The following HELZ variants were observed in gnomAD, a reference collection of about 807,000 sequenced individuals.
HELZ encodes helicase with zinc finger, also known as ATP-dependent RNA helicase with zinc finger domain.
A neutral mutation model predicts 218.2 loss-of-function variants in HELZ; 23 were observed. The observed-to-expected ratio is 0.11, with a 90% CI of 0.08 to 0.15. HELZ has a LOEUF of 0.15. Ranked by LOEUF, HELZ falls within the 10% of genes least tolerant of loss-of-function variation. The probability of loss-of-function intolerance (pLI) is 1.00; values close to 1 mark genes in which losing one functional copy is unlikely to be tolerated. For synonymous variants in HELZ, 814 were observed against 829.4 expected (o/e 0.98, Z 0.32); for missense variants, 1,813 against 2,353.7 (o/e 0.77, Z 4.75).
chr17:67,236,608 T>C (rs1367304850), intron 3 of HELZ, among the ~76,000 whole-genome samples: 2 of 152,190 alleles, frequency 1.3e-5, no homozygotes, highest in African/African-American at 2.4e-5. Flanking sequence ...TTATAAAATC[T>C]ATAAGATGTA....
intron 7 of HELZ, chr17:67,200,837 C>G (rs1202647991): frequency 9.3e-6 from 3 of 322,218 alleles, no homozygotes; most frequent in Admixed American, 8.9e-5. Context: ...ACTAAAATTT[C>G]CCAATCATCT....
At chr17:67,235,830 G>C (rs11871494) in intron 3 of HELZ, among the ~76,000 whole-genome samples, 2 of 132,734 alleles carry the variant, frequency 1.5e-5, no homozygotes, top group Non-Finnish European at 3.0e-5. Context: ...TCTCTATCTC[G>C]GCTCACTGCA....
chr17:67,143,340 G>A (rs989713972), intron 21 of HELZ, among the ~76,000 whole-genome samples: 2 of 152,090 alleles, frequency 1.3e-5, no homozygotes, highest in Admixed American at 1.3e-4. Flanking sequence ...CGGTGTGGCT[G>A]CTCACACCTC....
chr17:67,225,167 T>C, intron 3 of HELZ: 1 of 371,258 alleles, frequency 2.7e-6, no homozygotes, highest in East Asian at 6.1e-5. Flanking sequence ...CAAGAAGCTT[T>C]TACTGAAGGT....
At chr17:67,114,101 T>G (rs1176310103) in intron 28 of HELZ, among the ~76,000 whole-genome samples, 1 of 152,196 alleles carries the variant, frequency 6.6e-6, no homozygotes, top group Non-Finnish European at 1.5e-5. Flanking sequence ...TTCAATTTTA[T>G]CACTGAATAA....
Position 67,163,429 on chromosome 17 carries a change from C to T in HELZ, c.1896-2353G>A, listed in dbSNP as rs374418429. On this transcript the variant is annotated intron_variant, in intron 15 of 32. Coordinates refer to ENST00000358691, the MANE Select transcript of HELZ (RefSeq NM_014877.4). ...CTTTTTCTTTTTTGAGACAGAGTCT[C>T]GCTCTGTCGCCCAGGCTGGAGTGCA... Among the ~76,000 whole-genome samples the T allele has an allele frequency of 5.1e-4, 78 of 151,816 alleles. 1 individual carries two copies. The East Asian group carries it at 5.6e-3, about 11-fold the overall frequency.
At chr17:67,215,860 T>G (rs774766069) in intron 5 of HELZ, 39 bp downstream of exon 5, 1 of 1,332,694 alleles carries the variant, frequency 7.5e-7, no homozygotes, top group South Asian at 1.2e-5. Context: ...CCTTAAACAT[T>G]GTTCAATTCA....
At chr17:67,157,972 A>G (rs2038891841) in intron 17 of HELZ, among the ~76,000 whole-genome samples, 1 of 152,172 alleles carries the variant, frequency 6.6e-6, no homozygotes, top group Non-Finnish European at 1.5e-5. Context: ...CCTCTATTCC[A>G]TTTTAAAATC....
At chr17:67,144,306 T>C (rs1395221952) in intron 21 of HELZ, among the ~76,000 whole-genome samples, 1 of 152,038 alleles carries the variant, frequency 6.6e-6, no homozygotes, top group African/African-American at 2.4e-5. Flanking sequence ...CCTGGAGCAA[T>C]GTGTCTCAAA....
intron 23 of HELZ, among the ~76,000 whole-genome samples, chr17:67,129,617 A>G (rs1468459408): frequency 1.3e-5 from 2 of 152,220 alleles, no homozygotes; most frequent in African/African-American, 4.8e-5. Context: ...CCATTAACTA[A>G]GTTATAAGTG....
chr17:67,188,087 A>T lies in HELZ; in HGVS notation c.1162+232T>A. On this transcript the variant is annotated intron_variant, in intron 12 of 32. Coordinates refer to ENST00000358691, the MANE Select transcript of HELZ (RefSeq NM_014877.4). The surrounding 1 kb of genome is among the most constrained non-coding windows in gnomAD (Gnocchi z 4.1). ...AAAACAGGTCTGATCATCTACTCAT[A>T]CAAGTTTGGGGAACCTCAAAGTTCA... The T allele has an allele frequency of 2.2e-6, 1 of 458,424 alleles. No individual in the cohort carries two copies. The highest frequency in any genetic ancestry group is 3.9e-6 in the Non-Finnish European group (1 of 256,840). 28.4% of individuals were successfully genotyped at this position (458,424 alleles called of 1,614,324 possible).
upstream of HELZ, chr17:67,245,519 AG>A (rs1200668563): frequency 4.9e-5 from 48 of 985,002 alleles, no homozygotes; most frequent in Admixed American, 6.1e-4. Flanking sequence ...AATCAACCCG[AG>A]GTTTCCTTGC....
intron 27 of HELZ, among the ~76,000 whole-genome samples, chr17:67,116,782 T>C (rs762377105): frequency 6.6e-6 from 1 of 152,186 alleles, no homozygotes; most frequent in Admixed American, 6.5e-5. Flanking sequence ...TCCTCAGTAA[T>C]TGATAGAAAG....
chr17:67,170,790 G>A (rs184607640), intron 13 of HELZ, among the ~76,000 whole-genome samples: 46 of 147,986 alleles, frequency 3.1e-4, no homozygotes, highest in Admixed American at 2.1e-3. Flanking sequence ...TAGCGACACC[G>A]CACTCCAGCC....
At chr17:67,206,997 C>G (rs1293808401) in intron 5 of HELZ, among the ~76,000 whole-genome samples, 1 of 151,218 alleles carries the variant, frequency 6.6e-6, no homozygotes, top group Admixed American at 6.6e-5. Flanking sequence ...ACTGCAACCT[C>G]TGCCTCCCAG....
At position 67,072,962 on chromosome 17, in the gene HELZ, G is replaced by A. The variant is rs2035930931; in HGVS notation, c.*5290C>T. 6.6e-6 allele frequency: 1 copy of A among 152,178 alleles called. No homozygotes were observed. 9.4% of individuals were successfully genotyped at this position (152,178 alleles called of 1,614,324 possible). A position where few individuals can be genotyped will look rare whatever the true frequency, so the allele number is the denominator to read the frequency against. ...CAGGCTCCAGACCAAAATCAGAAAT[G>A]CTGGGGGTGGGTCCAGCTATCTGAA... is the stretch of plus-strand genomic sequence containing the variant. On this transcript the variant is annotated 3_prime_UTR_variant, in exon 33 of 33. Coordinates refer to ENST00000358691, the MANE Select transcript of HELZ (RefSeq NM_014877.4).
intron 23 of HELZ, among the ~76,000 whole-genome samples, chr17:67,131,658 G>A (rs1411822085): frequency 5.3e-5 from 8 of 151,808 alleles, no homozygotes; most frequent in South Asian, 2.1e-4. Context: ...GTGTGACTTC[G>A]TGCAGATTAC....
At chr17:67,160,404 C>T (rs1198715700) in intron 16 of HELZ, 42 bp from the exon 17 acceptor site, 1 of 1,334,122 alleles carries the variant, frequency 7.5e-7, no homozygotes, top group African/African-American at 1.4e-5. Context: ...TGATAAAACA[C>T]AAAACTATTC....
chr17:67,107,533 T>C lies in HELZ; in HGVS notation c.4877A>G (p.Asp1626Gly). ...AAAGTTAGAAAAGTGGCTACTGTGG[T>C]CTGTACTGGATGGGGGAGATGGGAC... is the stretch of plus-strand genomic sequence containing the variant. ...PAVPSPPSST[D>G]HSSHFSNFND... The change falls in exon 31 of 33, where the codon GAC becomes GGC. Residue 1626 changes from aspartate to glycine, a missense_variant. Around this residue, in one of 4 missense-constraint regions of HELZ, gnomAD observed 938 missense variants for 1,027.5 expected, o/e 0.91. Coordinates refer to ENST00000358691, the MANE Select transcript of HELZ (RefSeq NM_014877.4). 6.2e-7 allele frequency: 1 copy of C among 1,614,158 alleles called. No individual in the cohort carries two copies. Among genetic ancestry groups the C allele is most frequent in the Non-Finnish European group, 8.5e-7 (1 of 1,180,030 alleles).
Sources: gnomAD v4.1 joint callset for allele counts (sites outside exome capture counted in the v4.1 genomes callset) on GRCh38, gnomAD v4.1.1 for gene constraint, gnomAD v4.1.1 regional missense constraint, Gnocchi (gnomAD v3.1) non-coding constraint, MANE v1.5 for transcripts, NCBI Gene and HGNC (gene_info 2026-07-23, HGNC 2026-07-21) for gene names.